GABRB1: variants seen among roughly 807,000 people sequenced by gnomAD.
GABRB1 encodes the protein gamma-aminobutyric acid type A receptor subunit beta1, also known as gamma-aminobutyric acid receptor subunit beta-1.
In GABRB1, 17 loss-of-function variants were observed where a neutral mutation model predicts 51.6. The observed-to-expected ratio is 0.33, with a 90% confidence interval of 0.23 to 0.49. The LOEUF (loss-of-function observed/expected upper bound fraction) is 0.49, where lower values mean the gene tolerates loss of function less well. Among genes scored for constraint, GABRB1 ranks in the 20% least tolerant of loss-of-function variants. The probability of loss-of-function intolerance (pLI) is 0.99; values close to 1 mark genes in which losing one functional copy is unlikely to be tolerated. For synonymous variants in GABRB1, 247 were observed against 218.9 expected, an observed-to-expected ratio of 1.13 and a Z score of -1.14; for missense variants, 410 against 600.6, an observed-to-expected ratio of 0.68 and a Z score of 3.32.
chr4:47,002,548 A>G (rs1464825631), intron 1 of GABRB1, among the ~76,000 whole-genome samples: 1 of 152,176 alleles, frequency 6.6e-6, no homozygotes, highest in African/African-American at 2.4e-5. Flanking sequence ...ACCACCTTTA[A>G]AGTAAAGCAC....
At chr4:47,356,417 T>C (rs1010451452) in intron 5 of GABRB1, among the ~76,000 whole-genome samples, 24 of 152,202 alleles carry the variant, frequency 1.6e-4, no homozygotes, top group African/African-American at 5.8e-4. Flanking sequence ...AAAATTTGAT[T>C]TCCAAACACT....
At chr4:47,087,791 T>C (rs948917674) in intron 3 of GABRB1, among the ~76,000 whole-genome samples, 2 of 152,184 alleles carry the variant, frequency 1.3e-5, no homozygotes, top group African/African-American at 4.8e-5. Flanking sequence ...TTGTTTTCCT[T>C]ATCTGGAAAA....
chr4:47,292,122 G>A (rs1198739151), intron 4 of GABRB1, among the ~76,000 whole-genome samples: 1 of 152,150 alleles, frequency 6.6e-6, no homozygotes, highest in East Asian at 1.9e-4. Flanking sequence ...AATCATGGGG[G>A]CAGGTCTTTT....
intron 4 of GABRB1, among the ~76,000 whole-genome samples, chr4:47,281,749 A>G (rs910009804): frequency 2.0e-5 from 3 of 152,202 alleles, no homozygotes; most frequent in Non-Finnish European, 4.4e-5. Flanking sequence ...AAATGGATGG[A>G]ACTAGAAGTC....
chr4:47,093,204 T>C (rs764828595), intron 3 of GABRB1, among the ~76,000 whole-genome samples: 2 of 152,214 alleles, frequency 1.3e-5, no homozygotes, highest in Non-Finnish European at 2.9e-5. Flanking sequence ...AATTGACCTG[T>C]ATTATTTTTA....
At chr4:47,162,037 A>T (rs1192698351) in intron 4 of GABRB1, among the ~76,000 whole-genome samples, 2 of 152,056 alleles carry the variant, frequency 1.3e-5, no homozygotes, top group African/African-American at 2.4e-5. Flanking sequence ...TTGCACAGTA[A>T]AATAACATCA....
chr4:47,241,637 C>A (rs193100527), intron 4 of GABRB1, among the ~76,000 whole-genome samples: 4 of 152,170 alleles, frequency 2.6e-5, no homozygotes, highest in Admixed American at 2.6e-4. Flanking sequence ...TATAACCATC[C>A]CCATAGGGAA....
intron 3 of GABRB1, among the ~76,000 whole-genome samples, chr4:47,089,928 A>G (rs2109583803): frequency 6.6e-6 from 1 of 152,338 alleles, no homozygotes. Context: ...AGTTCTCATC[A>G]CATTATCTGC....
chr4:47,332,399 C>T (rs150371045), intron 5 of GABRB1, among the ~76,000 whole-genome samples: 14 of 152,282 alleles, frequency 9.2e-5, no homozygotes, highest in African/African-American at 2.6e-4. Context: ...TATGCATTAA[C>T]ATCTACAACC....
chr4:47,406,620 A>G, intron 7 of GABRB1, 62 bp from the exon 8 acceptor site: 1 of 1,603,072 alleles, frequency 6.2e-7, no homozygotes, highest in Non-Finnish European at 8.5e-7. Flanking sequence ...CTGTCCTCTC[A>G]ATCTTGAAAA....
At chr4:47,392,777 A>G (rs1394826309) in intron 5 of GABRB1, among the ~76,000 whole-genome samples, 2 of 152,244 alleles carry the variant, frequency 1.3e-5, no homozygotes, top group African/African-American at 2.4e-5. Context: ...TAGAAATATC[A>G]AGTGAATGAC....
intron 4 of GABRB1, among the ~76,000 whole-genome samples, chr4:47,187,655 C>T (rs1236211763): frequency 6.6e-6 from 1 of 151,896 alleles, no homozygotes; most frequent in African/African-American, 2.4e-5. Flanking sequence ...AGAAGTTAAA[C>T]CGTGTCACTC....
At chr4:47,137,748 G>A (rs1366644783) in intron 3 of GABRB1, among the ~76,000 whole-genome samples, 1 of 152,016 alleles carries the variant, frequency 6.6e-6, no homozygotes, top group Non-Finnish European at 1.5e-5. Context: ...TTGGTTATGT[G>A]AACTATTTTC....
intron 3 of GABRB1, among the ~76,000 whole-genome samples, chr4:47,123,923 A>G (rs1218014899): frequency 2.0e-4 from 21 of 106,098 alleles, no homozygotes; most frequent in Non-Finnish European, 3.6e-4. Flanking sequence ...AATATATGAT[A>G]TATAATATAT....
intron 4 of GABRB1, among the ~76,000 whole-genome samples, chr4:47,174,822 T>C (rs1397327609): frequency 6.6e-6 from 1 of 152,136 alleles, no homozygotes; most frequent in Admixed American, 6.6e-5. Context: ...AGTTGTCAGT[T>C]GTCAGTGCCC....
At chr4:47,252,222 T>C (rs1254693310) in intron 4 of GABRB1, among the ~76,000 whole-genome samples, 2 of 151,920 alleles carry the variant, frequency 1.3e-5, no homozygotes, top group Admixed American at 6.6e-5. Context: ...TGTATTTCTC[T>C]TGGGTCTCTA....
chr4:47,081,015 G>C (rs971155550), intron 3 of GABRB1, among the ~76,000 whole-genome samples: 1 of 152,006 alleles, frequency 6.6e-6, no homozygotes, highest in Non-Finnish European at 1.5e-5. Flanking sequence ...CCAGAATCTG[G>C]GATAAAAAAG....
At chr4:47,280,341 C>G (rs1723239373) in intron 4 of GABRB1, among the ~76,000 whole-genome samples, 1 of 151,632 alleles carries the variant, frequency 6.6e-6, no homozygotes, top group South Asian at 2.1e-4. Flanking sequence ...ATTTGTGTCC[C>G]TTAAACACAT....
At chr4:47,390,017 G>A (rs1293379451) in intron 5 of GABRB1, among the ~76,000 whole-genome samples, 2 of 152,138 alleles carry the variant, frequency 1.3e-5, no homozygotes, top group Admixed American at 6.5e-5. Flanking sequence ...GCTCCTGTAA[G>A]GACCAGGTAC....
Sources: allele counts gnomAD v4.1 joint callset (sites outside exome capture counted in the v4.1 genomes callset), GRCh38; gene constraint gnomAD v4.1.1; transcripts MANE v1.5; gene names NCBI Gene and HGNC (gene_info 2026-07-23, HGNC 2026-07-21).